Variants in PCDH15 observed in about 807,000 individuals in gnomAD.
PCDH15 encodes the protein protocadherin related 15.
PCDH15 carries 129 observed loss-of-function variants against 178.5 expected under a neutral mutation model. The ratio of observed to expected loss-of-function variants is 0.72; its 90% CI spans 0.63 to 0.84. The LOEUF (loss-of-function observed/expected upper bound fraction) is 0.84. PCDH15 is among the 40% of genes least tolerant of loss of function. PCDH15 has a pLI of 0.00. For synonymous variants in PCDH15, 800 were observed against 732.0 expected, an observed-to-expected ratio of 1.09 and a Z score of -1.50; for missense variants, 2,230 against 2,099.9, an observed-to-expected ratio of 1.06 and a Z score of -1.21.
At chr10:53,899,320 C>T (rs958990396) in intron 26 of PCDH15, among the ~76,000 whole-genome samples, 3 of 152,014 alleles carry the variant, frequency 2.0e-5, no homozygotes, top group Non-Finnish European at 4.4e-5. Flanking sequence ...AGCAGATATA[C>T]AATTGTCTTT....
chr10:55,225,950 C>A (rs1461442154), intron 1 of PCDH15, among the ~76,000 whole-genome samples: 2 of 152,014 alleles, frequency 1.3e-5, no homozygotes, highest in South Asian at 2.1e-4. Context: ...GAAAGCACAT[C>A]CATAATGGTA....
intron 2 of PCDH15, among the ~76,000 whole-genome samples, chr10:55,043,735 TAAATA>T (rs200881517): frequency 0.076 from 10,996 of 144,520 alleles, 526 homozygotes; most frequent in East Asian, 0.21. Flanking sequence ...AATAAATAAA[TAAATA>T]AAATAAATAA....
chr10:54,620,947 C>T (rs1937401), intron 2 of PCDH15, among the ~76,000 whole-genome samples: 117,011 of 151,820 alleles, frequency 0.77, 45,311 homozygotes, highest in Non-Finnish European at 0.79. Flanking sequence ...GAAGTAAGAA[C>T]AAAAATATCC....
intron 3 of PCDH15, among the ~76,000 whole-genome samples, chr10:54,443,106 G>A (rs1661612981): frequency 6.6e-6 from 1 of 151,598 alleles, no homozygotes; most frequent in Admixed American, 6.6e-5. Context: ...AGTTTGACAA[G>A]CATCTGAAAT....
At chr10:55,473,036 A>T (rs1178313486) in intron 2 of PCDH15, among the ~76,000 whole-genome samples, 2 of 152,212 alleles carry the variant, frequency 1.3e-5, no homozygotes, top group Admixed American at 6.5e-5. Context: ...ATTAGAGTGG[A>T]ATGTCCTAAT....
chr10:55,378,698 T>G (rs1411154339), intron 2 of PCDH15, among the ~76,000 whole-genome samples: 1 of 152,120 alleles, frequency 6.6e-6, no homozygotes, highest in East Asian at 1.9e-4. Flanking sequence ...AGGGAATAAA[T>G]GAAAGCATCA....
intron 2 of PCDH15, among the ~76,000 whole-genome samples, chr10:54,582,340 G>T (rs1297656269): frequency 6.6e-6 from 1 of 151,978 alleles, no homozygotes; most frequent in Non-Finnish European, 1.5e-5. Context: ...ATTCCATAAA[G>T]ATTGTTAAGT....
chr10:55,198,139 T>C (rs1840145318), intron 1 of PCDH15, among the ~76,000 whole-genome samples: 1 of 152,206 alleles, frequency 6.6e-6, no homozygotes, highest in East Asian at 1.9e-4. Context: ...TTGCAAGTAA[T>C]ATGTTCTTCT....
At chr10:54,258,011 T>C (rs1469550616) in intron 8 of PCDH15, among the ~76,000 whole-genome samples, 2 of 152,140 alleles carry the variant, frequency 1.3e-5, no homozygotes, top group African/African-American at 4.8e-5. Flanking sequence ...GGCTTAACGA[T>C]TAAAAAAAAA....
chr10:54,857,598 G>C (rs1348269295), intron 3 of PCDH15, among the ~76,000 whole-genome samples: 1 of 150,616 alleles, frequency 6.6e-6, no homozygotes, highest in Non-Finnish European at 1.5e-5. Flanking sequence ...GGCACGTGCC[G>C]CCATGCCTGG....
chr10:54,010,816 G>A (rs2092557084), intron 20 of PCDH15, among the ~76,000 whole-genome samples: 2 of 152,146 alleles, frequency 1.3e-5, no homozygotes, highest in Non-Finnish European at 1.5e-5. Flanking sequence ...ACCAGGCAGT[G>A]CCTAAGCTCG....
intron 2 of PCDH15, among the ~76,000 whole-genome samples, chr10:55,465,743 T>C (rs1346680641): frequency 1.3e-5 from 2 of 152,144 alleles, no homozygotes; most frequent in Non-Finnish European, 2.9e-5. Flanking sequence ...AGGTGGTACA[T>C]CAACAAAACA....
intron 2 of PCDH15, among the ~76,000 whole-genome samples, chr10:54,537,917 T>TGA (rs2084760435): frequency 6.6e-6 from 1 of 152,222 alleles, no homozygotes; most frequent in Admixed American, 6.5e-5. Flanking sequence ...TGTCTGTTTT[T>TGA]GAGAGAAGTC....
At chr10:54,299,078 G>T (rs553894573) in intron 8 of PCDH15, among the ~76,000 whole-genome samples, 30 of 152,306 alleles carry the variant, frequency 2.0e-4, no homozygotes, top group Non-Finnish European at 3.5e-4. Flanking sequence ...CCATCAAAAA[G>T]GGGAAGGAGA....
intron 1 of PCDH15, among the ~76,000 whole-genome samples, chr10:55,294,241 T>C (rs1206264938): frequency 6.6e-6 from 1 of 152,070 alleles, no homozygotes; most frequent in Non-Finnish European, 1.5e-5. Context: ...TTCAATTACC[T>C]CCCACTGGCT....
At chr10:54,280,051 G>T (rs959444780) in intron 8 of PCDH15, among the ~76,000 whole-genome samples, 2 of 151,536 alleles carry the variant, frequency 1.3e-5, no homozygotes, top group Non-Finnish European at 3.0e-5. Context: ...CATTTATGCT[G>T]AAAATGGGTT....
At chr10:53,818,742 G>A (rs2076151041) in intron 33 of PCDH15, among the ~76,000 whole-genome samples, 1 of 152,004 alleles carries the variant, frequency 6.6e-6, no homozygotes, top group Admixed American at 6.6e-5. Flanking sequence ...TATTTTTTAA[G>A]CAGTTAAAGT....
intron 7 of PCDH15, among the ~76,000 whole-genome samples, chr10:54,327,376 T>A (rs1938366985): frequency 6.6e-6 from 1 of 150,712 alleles, no homozygotes. Flanking sequence ...CTGCTCTATG[T>A]TACATGACAT....
intron 18 of PCDH15, 136 bp from the exon 19 acceptor site, chr10:54,023,333 A>C (rs750842488): frequency 1.4e-6 from 1 of 720,246 alleles, no homozygotes; most frequent in African/African-American, 1.8e-5. Flanking sequence ...AATGACAATG[A>C]CAATACAATG....
Sources: gnomAD v4.1 joint callset for allele counts (sites outside exome capture counted in the v4.1 genomes callset) on GRCh38, gnomAD v4.1.1 for gene constraint, MANE v1.5 for transcripts, NCBI Gene and HGNC (gene_info 2026-07-23, HGNC 2026-07-21) for gene names.